The following DLG1 variants were observed in gnomAD, a reference collection of about 807,000 sequenced individuals.
The protein encoded by DLG1 is disks large homolog 1.
DLG1 carries 42 observed loss-of-function variants against 123.4 expected under a neutral mutation model. That is an observed-to-expected ratio of 0.34 (90% CI 0.27 to 0.44). DLG1 has a LOEUF of 0.44. Among genes scored for constraint, DLG1 ranks in the 20% least tolerant of loss-of-function variants. The probability of loss-of-function intolerance (pLI) is 1.00; values close to 1 mark genes in which losing one functional copy is unlikely to be tolerated. For synonymous variants in DLG1, 317 were observed against 356.2 expected (o/e 0.89, Z 1.24); for missense variants, 942 against 1,082.6 (o/e 0.87, Z 1.82).
At chr3:197,197,779 G>A (rs1431823850) in intron 4 of DLG1, among the ~76,000 whole-genome samples, 1 of 152,162 alleles carries the variant, frequency 6.6e-6, no homozygotes. Context: ...CAAGACTATG[G>A]TACTGGAATA....
At chr3:197,085,507 A>G in intron 16 of DLG1, 73 bp downstream of exon 16, 1 of 1,526,900 alleles carries the variant, frequency 6.5e-7, no homozygotes. Context: ...ATGTTGTCAC[A>G]AATTAAAAAA....
chr3:197,085,216 T>C (rs910915037), intron 16 of DLG1: 3 of 186,388 alleles, frequency 1.6e-5, no homozygotes, highest in African/African-American at 7.2e-5. Context: ...TTGCCTTTTT[T>C]TGGGGGGTAA....
At chr3:197,083,778 C>G (rs986074992) in intron 16 of DLG1, among the ~76,000 whole-genome samples, 1 of 148,616 alleles carries the variant, frequency 6.7e-6, no homozygotes, top group African/African-American at 2.5e-5. Flanking sequence ...GGCAACATAG[C>G]TAGAACCCAT....
At chr3:197,090,051 T>C (rs529101644) in intron 15 of DLG1, among the ~76,000 whole-genome samples, 95 of 152,296 alleles carry the variant, frequency 6.2e-4, no homozygotes, top group Non-Finnish European at 1.2e-3. Context: ...TGTGTATAGA[T>C]ACACGTGTAT....
At chr3:197,143,050 A>T (rs1169664356) in intron 6 of DLG1, among the ~76,000 whole-genome samples, 4 of 152,184 alleles carry the variant, frequency 2.6e-5, no homozygotes, top group Non-Finnish European at 5.9e-5. Context: ...GTCTTGATCC[A>T]CACATCTAAT....
intron 4 of DLG1, among the ~76,000 whole-genome samples, chr3:197,208,345 C>T (rs1477203575): frequency 6.8e-6 from 1 of 146,514 alleles, no homozygotes; most frequent in Non-Finnish European, 1.5e-5. Context: ...AGGACAATTT[C>T]ACAACTTCTA....
intron 24 of DLG1, among the ~76,000 whole-genome samples, chr3:197,050,735 G>T (rs1428868001): frequency 1.3e-5 from 2 of 152,138 alleles, no homozygotes; most frequent in African/African-American, 4.8e-5. Context: ...AAATTCTGGG[G>T]ATCTAATATA....
intron 4 of DLG1, among the ~76,000 whole-genome samples, chr3:197,238,618 T>C (rs1747252917): frequency 6.6e-6 from 1 of 152,118 alleles, no homozygotes; most frequent in African/African-American, 2.4e-5. Flanking sequence ...AAAAGATAGA[T>C]ATAGCACATG....
chr3:197,141,516 T>C (rs941312017), intron 7 of DLG1, among the ~76,000 whole-genome samples: 8 of 152,184 alleles, frequency 5.3e-5, no homozygotes, highest in African/African-American at 1.4e-4. Flanking sequence ...GCAATAAAGA[T>C]ATACATGTAA....
intron 5 of DLG1, among the ~76,000 whole-genome samples, chr3:197,189,739 T>C (rs759218561): frequency 1.3e-5 from 2 of 152,190 alleles, no homozygotes; most frequent in Non-Finnish European, 2.9e-5. Context: ...TGAATGATTA[T>C]CATAATATCC....
chr3:197,191,505 A>G (rs957514212), intron 5 of DLG1, among the ~76,000 whole-genome samples: 11 of 152,204 alleles, frequency 7.2e-5, no homozygotes, highest in African/African-American at 2.4e-4. Flanking sequence ...CTACCAAAAG[A>G]CCAGAGTTGG....
chr3:197,083,019 C>G (rs1752141467), intron 16 of DLG1, among the ~76,000 whole-genome samples: 1 of 152,146 alleles, frequency 6.6e-6, no homozygotes, highest in Non-Finnish European at 1.5e-5. Context: ...ACTGACTCAA[C>G]AAGGCATAGA....
chr3:197,277,176 G>A (rs1343643978), intron 4 of DLG1, among the ~76,000 whole-genome samples: 4 of 151,430 alleles, frequency 2.6e-5, no homozygotes, highest in African/African-American at 4.9e-5. Flanking sequence ...ACAGGCATGA[G>A]CCACTGCGCC....
chr3:197,273,711 G>A (rs1258928011), intron 4 of DLG1, among the ~76,000 whole-genome samples: 5 of 151,672 alleles, frequency 3.3e-5, no homozygotes, highest in African/African-American at 1.2e-4. Context: ...CTGAAAGGGG[G>A]GACTTGTAAA....
intron 3 of DLG1, among the ~76,000 whole-genome samples, chr3:197,289,698 C>A (rs961141461): frequency 1.3e-5 from 2 of 152,132 alleles, no homozygotes; most frequent in African/African-American, 4.8e-5. Context: ...GATAATACCA[C>A]AATAGTCAAA....
rs115001076 is a variant in DLG1, at chr3:197,133,140, T to C, written c.1021-2469A>G. On this transcript the variant is annotated intron_variant, in intron 10 of 24. Coordinates refer to ENST00000667157, the MANE Select transcript of DLG1 (RefSeq NM_001366207.1). The stretch of plus-strand genomic sequence containing the variant: ...AATCTCTTTCTACACTGAATTTTGC[T>C]TGTCCACGTAACTAGCTTTAGCCAA... Among the ~76,000 whole-genome samples, 1,284 of 152,332 alleles carry C rather than the reference T, an allele frequency of 8.4e-3. 18 individuals carry two copies. The highest frequency in any genetic ancestry group is 0.029 in the African/African-American group (1,216 of 41,574).
chr3:197,229,981 A>G (rs1280724355), intron 4 of DLG1, among the ~76,000 whole-genome samples: 2 of 152,246 alleles, frequency 1.3e-5, no homozygotes, highest in Admixed American at 6.5e-5. Flanking sequence ...AATGGGAATC[A>G]TGTCTGACTA....
intron 5 of DLG1, among the ~76,000 whole-genome samples, chr3:197,173,691 CA>C (rs539360916): frequency 6.6e-6 from 1 of 151,908 alleles, no homozygotes; most frequent in African/African-American, 2.4e-5. Flanking sequence ...TTGGAAATGA[CA>C]AAAAAAGAAG....
At chr3:197,273,718 T>A (rs1441191644) in intron 4 of DLG1, among the ~76,000 whole-genome samples, 14 of 151,830 alleles carry the variant, frequency 9.2e-5, no homozygotes, top group Non-Finnish European at 1.9e-4. Context: ...GGGGGACTTG[T>A]AAATAACAGG....
Sources: gnomAD v4.1 joint callset for allele counts (sites outside exome capture counted in the v4.1 genomes callset) on GRCh38, gnomAD v4.1.1 for gene constraint, MANE v1.5 for transcripts, NCBI Gene and HGNC (gene_info 2026-07-23, HGNC 2026-07-21) for gene names.